Variants in THSD7B observed in about 807,000 individuals in gnomAD.
THSD7B encodes the protein thrombospondin type-1 domain-containing protein 7B.
THSD7B carries 138 observed loss-of-function variants against 213.6 expected under a neutral mutation model. That is an observed-to-expected ratio of 0.65 (90% confidence interval 0.56 to 0.74). The LOEUF (loss-of-function observed/expected upper bound fraction) is 0.74, where lower values mean the gene tolerates loss of function less well. Ranked by LOEUF, THSD7B falls within the 30% of genes least tolerant of loss-of-function variation. THSD7B has a pLI of 0.00. For missense variants in THSD7B, 1,931 were observed against 1,991.5 expected (o/e 0.97, Z 0.58); for synonymous variants, 742 against 687.0 (o/e 1.08, Z -1.25).
At chr2:137,672,964 A>AAGTT (rs1042255024) in intron 27 of THSD7B, among the ~76,000 whole-genome samples, 5 of 152,194 alleles carry the variant, frequency 3.3e-5, no homozygotes, top group African/African-American at 1.2e-4. Flanking sequence ...TAGCACCTGG[A>AAGTT]AGTTACACCA....
At chr2:137,147,464 C>G (rs921413609) in intron 5 of THSD7B, among the ~76,000 whole-genome samples, 1 of 145,654 alleles carries the variant, frequency 6.9e-6, no homozygotes, top group African/African-American at 2.5e-5. Flanking sequence ...TTACTCCTTC[C>G]TTTAAAAAAA....
intron 20 of THSD7B, among the ~76,000 whole-genome samples, chr2:137,622,826 G>A (rs779489170): frequency 6.6e-6 from 1 of 152,128 alleles, no homozygotes; most frequent in Non-Finnish European, 1.5e-5. Context: ...CTGAAATTGA[G>A]GCAATAATTA....
chr2:137,288,070 A>T (rs2104828681), intron 12 of THSD7B, among the ~76,000 whole-genome samples: 1 of 152,172 alleles, frequency 6.6e-6, no homozygotes, highest in Admixed American at 6.5e-5. Context: ...CCATCTCAGG[A>T]TTGCATCAGA....
At chr2:137,397,389 G>A (rs555811731) in intron 12 of THSD7B, among the ~76,000 whole-genome samples, 2 of 152,164 alleles carry the variant, frequency 1.3e-5, no homozygotes, top group Admixed American at 6.5e-5. Context: ...GCATTTGCTT[G>A]TCTGTAAAGG....
At chr2:137,622,386 G>T (rs929995181) in intron 20 of THSD7B, among the ~76,000 whole-genome samples, 1 of 152,186 alleles carries the variant, frequency 6.6e-6, no homozygotes, top group Non-Finnish European at 1.5e-5. Context: ...CAAGTTATTT[G>T]CTTCCAAGAT....
intron 2 of THSD7B, among the ~76,000 whole-genome samples, chr2:136,995,309 G>C (rs1044675891): frequency 6.6e-6 from 1 of 151,384 alleles, no homozygotes; most frequent in Non-Finnish European, 1.5e-5. Flanking sequence ...AAGGAGATGG[G>C]AAGATGGGCA....
chr2:137,124,056 T>C (rs1204500346), intron 5 of THSD7B, among the ~76,000 whole-genome samples: 2 of 152,216 alleles, frequency 1.3e-5, no homozygotes, highest in African/African-American at 2.4e-5. Context: ...TTTCTCTTCA[T>C]TCCAGTTGTT....
chr2:137,671,226 T>TATG (rs1359829824), intron 27 of THSD7B, among the ~76,000 whole-genome samples: 4 of 128,932 alleles, frequency 3.1e-5, no homozygotes, highest in Admixed American at 1.9e-4. Flanking sequence ...TGTGTATATT[T>TATG]ATGATTTGCT....
intron 14 of THSD7B, among the ~76,000 whole-genome samples, chr2:137,426,163 G>A (rs1039896458): frequency 2.6e-5 from 4 of 152,034 alleles, no homozygotes; most frequent in African/African-American, 4.8e-5. Flanking sequence ...AAACATCAAT[G>A]AAACAACTTG....
At chr2:136,892,789 G>A (rs1429764933) in intron 2 of THSD7B, among the ~76,000 whole-genome samples, 2 of 152,072 alleles carry the variant, frequency 1.3e-5, no homozygotes, top group African/African-American at 2.4e-5. Flanking sequence ...TTCTTAGAGT[G>A]TCTAGGTCCC....
At chr2:136,932,231 A>G (rs564901627) in intron 2 of THSD7B, among the ~76,000 whole-genome samples, 1 of 152,354 alleles carries the variant, frequency 6.6e-6, no homozygotes, top group East Asian at 1.9e-4. Flanking sequence ...GAAAGAGGAA[A>G]GATAAGAAGA....
intron 17 of THSD7B, among the ~76,000 whole-genome samples, chr2:137,584,355 G>T (rs147026007): frequency 0.023 from 3,558 of 152,202 alleles, 80 homozygotes; most frequent in East Asian, 0.077. Context: ...GATTGCCTTG[G>T]CCAGAACTTC....
At chr2:136,921,487 G>A (rs1573711839) in intron 2 of THSD7B, among the ~76,000 whole-genome samples, 1 of 151,422 alleles carries the variant, frequency 6.6e-6, no homozygotes, top group Non-Finnish European at 1.5e-5. Context: ...TAAGATGAAG[G>A]CATAGGCTAT....
intron 4 of THSD7B, among the ~76,000 whole-genome samples, chr2:137,104,307 GAAAT>G (rs1291828136): frequency 6.6e-6 from 1 of 152,164 alleles, no homozygotes; most frequent in African/African-American, 2.4e-5. Flanking sequence ...AATTAAGGCT[GAAAT>G]AAATAAGTTC....
At chr2:137,254,111 A>G (rs909759557) in intron 10 of THSD7B, among the ~76,000 whole-genome samples, 2 of 152,214 alleles carry the variant, frequency 1.3e-5, no homozygotes, top group Non-Finnish European at 2.9e-5. Flanking sequence ...CCTAGTAGAA[A>G]AATCAGCCCT....
chr2:137,326,067 C>T (rs1431869992), intron 12 of THSD7B, among the ~76,000 whole-genome samples: 1 of 152,130 alleles, frequency 6.6e-6, no homozygotes, highest in African/African-American at 2.4e-5. Flanking sequence ...GTCTCGTTAA[C>T]AGGGGATTAT....
intron 15 of THSD7B, among the ~76,000 whole-genome samples, chr2:137,459,334 T>A (rs1244141551): frequency 6.6e-6 from 1 of 152,176 alleles, no homozygotes; most frequent in African/African-American, 2.4e-5. Flanking sequence ...AAAACATTTG[T>A]TAAAACATGA....
At chr2:136,997,799 T>A (rs1685922167) in intron 2 of THSD7B, among the ~76,000 whole-genome samples, 2 of 152,096 alleles carry the variant, frequency 1.3e-5, no homozygotes, top group South Asian at 4.1e-4. Flanking sequence ...TCAGAGGTCA[T>A]CTTATGACCT....
At position 137,572,618 on chromosome 2, in the gene THSD7B, G is replaced by T. The variant is rs924591377; in HGVS notation, c.3423+62G>T. The T allele has an allele frequency of 3.0e-5, 48 of 1,578,340 alleles. No homozygotes were observed. In the African/African-American group the frequency reaches 5.9e-4, roughly 19 times the overall value. ...ATTGTTGCCTTCACTGTTGTTCGTT[G>T]TGCATTCACAGTGCTAGTCTCCAAA... On this transcript the variant is annotated intron_variant, in intron 17 of 27. Transcript: ENST00000409968.
Sources: gnomAD v4.1 joint callset for allele counts (sites outside exome capture counted in the v4.1 genomes callset) on GRCh38, gnomAD v4.1.1 for gene constraint, MANE v1.5 for transcripts, NCBI Gene and HGNC (gene_info 2026-07-23, HGNC 2026-07-21) for gene names.